Variants in TOLLIP observed in about 807,000 individuals in gnomAD.
The protein encoded by TOLLIP is toll interacting protein.
In TOLLIP, 16 loss-of-function variants were observed where a neutral mutation model predicts 33.5. The ratio of observed to expected loss-of-function variants is 0.48; its 90% CI spans 0.32 to 0.72. The LOEUF (loss-of-function observed/expected upper bound fraction) is 0.72, where lower values mean the gene tolerates loss of function less well. Ranked by LOEUF, TOLLIP falls within the 30% of genes least tolerant of loss-of-function variation. The pLI, the probability that TOLLIP is intolerant of heterozygous loss-of-function variation, is 0.03. For missense variants in TOLLIP, 325 were observed against 396.6 expected (o/e 0.82, Z 1.53); for synonymous variants, 176 against 163.7 (o/e 1.07, Z -0.57).
chr11:1,297,060 G>A (rs1457590024), intron 1 of TOLLIP, among the ~76,000 whole-genome samples: 4 of 152,182 alleles, frequency 2.6e-5, no homozygotes, highest in Admixed American at 2.0e-4. Flanking sequence ...AGACCCAGCC[G>A]TCTGCAGGGG....
intron 4 of TOLLIP, among the ~76,000 whole-genome samples, 167 bp from the exon 5 acceptor site, chr11:1,286,259 G>A (rs1206074802): frequency 2.0e-5 from 3 of 152,158 alleles, no homozygotes; most frequent in Non-Finnish European, 2.9e-5. Flanking sequence ...CACAGGGGAC[G>A]CTGGGCCCTG....
chr11:1,276,375 C>G lies in TOLLIP; in HGVS notation c.*664G>C, dbSNP rs968147253. The G allele has an allele frequency of 9.3e-6, 2 of 215,402 alleles. No homozygotes were observed. The highest frequency in any genetic ancestry group is 5.3e-5 in the Admixed American group (1 of 18,936). The allele number at this position is 215,402 out of a possible 1,614,324, so 13.3% of individuals were successfully genotyped here. A position where few individuals can be genotyped will look rare whatever the true frequency, so the allele number is the denominator to read the frequency against. ...GGCAATCAGGCAGAGCCTGGCCAAC[C>G]GTGCCAGGCCCCCTTCCTCACTCCA... On this transcript the variant is annotated 3_prime_UTR_variant, in exon 6 of 6. Coordinates refer to ENST00000317204, the MANE Select transcript of TOLLIP (RefSeq NM_019009.4).
chr11:1,291,171 T>C (rs748102705), intron 2 of TOLLIP: 1 of 152,228 alleles, frequency 6.6e-6, no homozygotes, highest in Non-Finnish European at 1.5e-5. Context: ...CAGGTTCAAA[T>C]ATAAAACCTA....
intron 4 of TOLLIP, 45 bp from the exon 5 acceptor site, chr11:1,286,137 A>AC: frequency 6.9e-7 from 1 of 1,445,272 alleles, no homozygotes; most frequent in Non-Finnish European, 9.5e-7. Flanking sequence ...AGGAACATCC[A>AC]CCCATCAGAA....
chr11:1,285,079 C>G (rs1315591897), intron 5 of TOLLIP, among the ~76,000 whole-genome samples: 3 of 152,194 alleles, frequency 2.0e-5, no homozygotes, highest in Non-Finnish European at 4.4e-5. Context: ...CTGTCCCGCC[C>G]CAACCCCAAA....
chr11:1,291,582 C>CCT lies in TOLLIP; in HGVS notation c.184-1174_184-1173insAG, dbSNP rs550034044. ...CACTGACGCCCCTCTGAGGGCACGG[C>CCT]CACCCTGTCCTCACTGAACCCTCTC... On this transcript the variant is annotated intron_variant, in intron 2 of 5. Coordinates refer to ENST00000317204, the MANE Select transcript of TOLLIP (RefSeq NM_019009.4). Among the ~76,000 whole-genome samples the CCT allele has an allele frequency of 6.7e-4, 102 of 151,484 alleles. 1 individual carries two copies. In the East Asian group the frequency reaches 0.018, roughly 27 times the overall value.
chr11:1,300,111 G>A (rs1169378932), intron 1 of TOLLIP, among the ~76,000 whole-genome samples: 1 of 152,198 alleles, frequency 6.6e-6, no homozygotes, highest in East Asian at 1.9e-4. Context: ...AAACATTCGT[G>A]AATTACTTTT....
At chr11:1,289,479 A>C (rs1300890496) in intron 3 of TOLLIP, among the ~76,000 whole-genome samples, 1 of 152,232 alleles carries the variant, frequency 6.6e-6, no homozygotes, top group African/African-American at 2.4e-5. Context: ...AGGTGCAGCC[A>C]CGGACGGGAC....
At position 1,276,787 on chromosome 11, in the gene TOLLIP, C is replaced by G; in HGVS notation, c.*252G>C. The G allele has an allele frequency of 1.3e-6, 2 of 1,519,132 alleles. No homozygotes were observed. The highest frequency in any genetic ancestry group is 1.8e-6 in the Non-Finnish European group (2 of 1,136,334). The allele number at this position is 1,519,132 out of a possible 1,614,324, so 94.1% of individuals were successfully genotyped here. ...CGGCATGAGAAGGAGAGACGCACGT[C>G]CCAGGGACAGGAGAGCGCGCTGAGA... On this transcript the variant is annotated 3_prime_UTR_variant, in exon 6 of 6. Transcript: ENST00000317204.
At position 1,300,812 on chromosome 11, in the gene TOLLIP, C is replaced by T. The variant is rs553595738; in HGVS notation, c.34-5018G>A. Among the ~76,000 whole-genome samples the T allele has an allele frequency of 1.8e-4, 27 of 152,322 alleles. No homozygotes were observed. The South Asian group carries it at 5.2e-3, about 29-fold the overall frequency. ...CCGCACCACAGTCGCCCCTGAAGCA[C>T]GGCTGGCCACACGCAGGCGGCAGGA... On this transcript the variant is annotated intron_variant, in intron 1 of 5. Transcript: ENST00000317204.
In TOLLIP at chr11:1,283,817, C is replaced by T. The variant is rs189304692; in HGVS notation, c.610+2185G>A. The stretch of plus-strand genomic sequence containing the variant: ...CCCAAAAAGACAGCCACAGAGCGCC[C>T]GGCCCAGAAGTTGGAGGAGACGGGG... On this transcript the variant is annotated intron_variant, in intron 5 of 5. Coordinates refer to ENST00000317204, the MANE Select transcript of TOLLIP (RefSeq NM_019009.4). Among the ~76,000 whole-genome samples the T allele has an allele frequency of 2.2e-3, 335 of 152,294 alleles. No homozygotes were observed. The Middle Eastern group carries it at 0.024, about 11-fold the overall frequency.
At chr11:1,289,846 T>C (rs1462003967) in intron 3 of TOLLIP, among the ~76,000 whole-genome samples, 2 of 144,358 alleles carry the variant, frequency 1.4e-5, no homozygotes, top group Non-Finnish European at 3.0e-5. Context: ...GCTCTGTCCC[T>C]GGAAATCCCA....
intron 4 of TOLLIP, among the ~76,000 whole-genome samples, chr11:1,287,382 GCTCCCTGCTGCTGCCTCCCCGCCGCAGC>G (rs1564969292): frequency 1.0e-4 from 14 of 140,456 alleles, no homozygotes; most frequent in East Asian, 2.0e-4. Flanking sequence ...CAGAAAAGCA[GCTCCCTGCTGCTGCCTCCCCGCCGCAGC>G]CTCCCCGCCG....
At chr11:1,301,445 T>A (rs755638226) in intron 1 of TOLLIP, among the ~76,000 whole-genome samples, 2 of 142,300 alleles carry the variant, frequency 1.4e-5, no homozygotes, top group Non-Finnish European at 3.0e-5. Flanking sequence ...ATCGCACATG[T>A]GTCGCGGGCT....
chr11:1,281,769 C>T lies in TOLLIP; in HGVS notation c.610+4233G>A, dbSNP rs146373282. Among the ~76,000 whole-genome samples the T allele has an allele frequency of 2.2e-3, 335 of 152,394 alleles. 5 individuals carry two copies. Among genetic ancestry groups the T allele is most frequent in the African/African-American group, 7.6e-3 (318 of 41,600 alleles). On this transcript the variant is annotated intron_variant, in intron 5 of 5. Transcript: ENST00000317204. ...GAGCACGCGGCACAGGCTTCTCCAC[C>T]ATGTGAGTCATAAACACTTGAAACT...
rs578115666 is a variant in TOLLIP, at chr11:1,279,613, C to T, written c.611-2360G>A. Among the ~76,000 whole-genome samples, 339 of 152,344 alleles carry T rather than the reference C, an allele frequency of 2.2e-3. 5 individuals are homozygous for T. The highest frequency in any genetic ancestry group is 7.7e-3 in the African/African-American group (320 of 41,572). ...TGTCCCTGCCATCTGCCGCGCTCAG[C>T]CCCACCAGCCACCTGCACGCACGCG... On this transcript the variant is annotated intron_variant, in intron 5 of 5. Coordinates refer to ENST00000317204, the MANE Select transcript of TOLLIP (RefSeq NM_019009.4).
At chr11:1,304,926 A>C (rs149013801) in intron 1 of TOLLIP, among the ~76,000 whole-genome samples, 58 of 152,340 alleles carry the variant, frequency 3.8e-4, no homozygotes, top group African/African-American at 1.2e-3. Context: ...CCATCAAAAG[A>C]CTTAGTCTTC....
intron 5 of TOLLIP, among the ~76,000 whole-genome samples, chr11:1,283,805 C>G (rs1863585523): frequency 1.3e-5 from 2 of 152,238 alleles, no homozygotes. Context: ...AAAAAGACAG[C>G]CACAGAGCGC....
In TOLLIP at chr11:1,277,135, G is replaced by A. The variant is rs5744016; in HGVS notation, c.729C>T (p.Asn243=). 4.5e-4 allele frequency: 729 copies of A among 1,614,064 alleles called. 5 individuals are homozygous for A. In the African/African-American group the frequency reaches 9.1e-3, roughly 20 times the overall value. ...CGGAGCGGATCACCTCCTGGTCCATGTTGGGGAACATGTCCTGGATGGCTT... is the reference window on the plus strand; with the variant it reads ...CGGAGCGGATCACCTCCTGGTCCATATTGGGGAACATGTCCTGGATGGCTT... ...DLKAIQDMFP[N]MDQEVIRSVL... Residue 243 remains asparagine, a synonymous_variant, in exon 6 of 6, where the codon AAC becomes AAT. Coordinates refer to ENST00000317204, the MANE Select transcript of TOLLIP (RefSeq NM_019009.4). The surrounding 1 kb of genome is among the most constrained non-coding windows in gnomAD (Gnocchi z 4.2).
Sources: allele counts gnomAD v4.1 joint callset (sites outside exome capture counted in the v4.1 genomes callset), GRCh38; gene constraint gnomAD v4.1.1; non-coding constraint Gnocchi (gnomAD v3.1); transcripts MANE v1.5; gene names NCBI Gene and HGNC (gene_info 2026-07-23, HGNC 2026-07-21).